HS3ST2: variants seen among roughly 807,000 people sequenced by gnomAD.
HS3ST2 encodes heparan sulfate-glucosamine 3-sulfotransferase 2.
Under a neutral mutation model 26.3 loss-of-function variants are expected in HS3ST2, and 17 were observed. That is an observed-to-expected ratio of 0.65 (90% CI 0.44 to 0.97). The LOEUF is 0.97. HS3ST2 is among the 50% of genes least tolerant of loss of function. The pLI is 0.00. For missense variants in HS3ST2, 402 were observed against 501.2 expected, an observed-to-expected ratio of 0.80 and a Z score of 1.89; for synonymous variants, 237 against 219.2, an observed-to-expected ratio of 1.08 and a Z score of -0.72.
At chr16:22,887,137 A>G (rs911652000) in intron 1 of HS3ST2, among the ~76,000 whole-genome samples, 1 of 151,930 alleles carries the variant, frequency 6.6e-6, no homozygotes, top group Non-Finnish European at 1.5e-5. Flanking sequence ...GGAACCTCCC[A>G]CTCTATTCCC....
chr16:22,826,324 G>C (rs952383679), intron 1 of HS3ST2, among the ~76,000 whole-genome samples: 1 of 152,010 alleles, frequency 6.6e-6, no homozygotes, highest in Non-Finnish European at 1.5e-5. Context: ...CCTCTACAGG[G>C]ATCATTCTTC....
chr16:22,824,056 CGT>C (rs1901043599), intron 1 of HS3ST2, among the ~76,000 whole-genome samples: 1 of 152,188 alleles, frequency 6.6e-6, no homozygotes. Context: ...TAGATTGTCA[CGT>C]ATCTGTAGAC....
intron 1 of HS3ST2, among the ~76,000 whole-genome samples, chr16:22,840,400 T>G (rs1901335042): frequency 6.6e-6 from 1 of 152,116 alleles, no homozygotes; most frequent in Non-Finnish European, 1.5e-5. Context: ...TTTTTTTTCT[T>G]GAGACAGAGT....
At chr16:22,910,136 G>A (rs1037875277) in intron 1 of HS3ST2, among the ~76,000 whole-genome samples, 3 of 152,090 alleles carry the variant, frequency 2.0e-5, no homozygotes, top group African/African-American at 7.2e-5. Flanking sequence ...GTGATACTTT[G>A]GAGATCACTG....
intron 1 of HS3ST2, among the ~76,000 whole-genome samples, chr16:22,832,149 A>C (rs1901179019): frequency 9.2e-6 from 1 of 108,490 alleles, no homozygotes; most frequent in East Asian, 2.6e-4. Flanking sequence ...TCCCCAGCTG[A>C]TCTTTTTTTT....
intron 1 of HS3ST2, among the ~76,000 whole-genome samples, chr16:22,838,444 G>A (rs1276188477): frequency 2.0e-5 from 3 of 152,112 alleles, no homozygotes; most frequent in Non-Finnish European, 2.9e-5. Flanking sequence ...TCCAGCAGCC[G>A]CAGAATGAGT....
At chr16:22,894,081 A>C (rs1296708444) in intron 1 of HS3ST2, among the ~76,000 whole-genome samples, 3 of 152,158 alleles carry the variant, frequency 2.0e-5, no homozygotes, top group African/African-American at 7.2e-5. Flanking sequence ...TTGGCCTCCC[A>C]GAGTGCTGGG....
At chr16:22,888,393 CT>C (rs752179930) in intron 1 of HS3ST2, among the ~76,000 whole-genome samples, 27 of 91,390 alleles carry the variant, frequency 3.0e-4, no homozygotes, top group African/African-American at 9.6e-4. Context: ...TTTTTTTTTT[CT>C]TTTTTTTTTT....
intron 1 of HS3ST2, among the ~76,000 whole-genome samples, chr16:22,863,340 C>G (rs150058038): frequency 3.3e-5 from 5 of 152,242 alleles, no homozygotes; most frequent in Admixed American, 2.6e-4. Flanking sequence ...TCCTCTGATT[C>G]AATGCCCCTC....
intron 1 of HS3ST2, among the ~76,000 whole-genome samples, chr16:22,908,300 C>T (rs1490840212): frequency 1.3e-5 from 2 of 152,142 alleles, no homozygotes; most frequent in African/African-American, 4.8e-5. Flanking sequence ...AAAGATCTTA[C>T]TTGTGCCATG....
chr16:22,876,975 G>T (rs1353343865), intron 1 of HS3ST2, among the ~76,000 whole-genome samples: 1 of 152,156 alleles, frequency 6.6e-6, no homozygotes, highest in Non-Finnish European at 1.5e-5. Flanking sequence ...TGGGAACTTG[G>T]GGGGAAGGAT....
intron 1 of HS3ST2, among the ~76,000 whole-genome samples, chr16:22,826,350 G>A (rs1469441532): frequency 1.3e-5 from 2 of 152,066 alleles, no homozygotes; most frequent in African/African-American, 4.8e-5. Flanking sequence ...GAGCATCTCA[G>A]GTCTGGCTAC....
chr16:22,871,041 C>T (rs964562686), intron 1 of HS3ST2, among the ~76,000 whole-genome samples: 4 of 152,114 alleles, frequency 2.6e-5, no homozygotes, highest in African/African-American at 9.7e-5. Context: ...GTCACATGAG[C>T]TATTCAACAC....
chr16:22,858,752 A>G (rs1033335055), intron 1 of HS3ST2, among the ~76,000 whole-genome samples: 1 of 152,108 alleles, frequency 6.6e-6, no homozygotes, highest in African/African-American at 2.4e-5. Context: ...TAAAATGAGG[A>G]AAATGGTTCC....
chr16:22,849,982 G>A (rs577785437), intron 1 of HS3ST2, among the ~76,000 whole-genome samples: 4 of 152,222 alleles, frequency 2.6e-5, no homozygotes, highest in South Asian at 2.1e-4. Context: ...GGTCCTCCCC[G>A]CTCCTGGGGC....
chr16:22,911,384 G>A (rs1474875553), intron 1 of HS3ST2, among the ~76,000 whole-genome samples: 1 of 152,208 alleles, frequency 6.6e-6, no homozygotes, highest in Non-Finnish European at 1.5e-5. Context: ...GGTATAAGAA[G>A]TTTGAGACTG....
At chr16:22,893,191 G>A (rs568031219) in intron 1 of HS3ST2, among the ~76,000 whole-genome samples, 2 of 152,130 alleles carry the variant, frequency 1.3e-5, no homozygotes, top group South Asian at 4.2e-4. Context: ...GTCTTTGGGC[G>A]GGTTACTTCT....
intron 1 of HS3ST2, among the ~76,000 whole-genome samples, chr16:22,824,585 A>G (rs1034783640): frequency 5.9e-5 from 9 of 152,084 alleles, no homozygotes; most frequent in Middle Eastern, 3.2e-3. Flanking sequence ...CAAACAAACC[A>G]TGAAGCTTAT....
At chr16:22,892,110 T>TAAA (rs55853160) in intron 1 of HS3ST2, among the ~76,000 whole-genome samples, 66 of 113,642 alleles carry the variant, frequency 5.8e-4, no homozygotes, top group African/African-American at 2.1e-3. Context: ...CCATCTCTAC[T>TAAA]AAAAAAAAAA....
Sources: gnomAD v4.1 joint callset for allele counts (sites outside exome capture counted in the v4.1 genomes callset) on GRCh38, gnomAD v4.1.1 for gene constraint, MANE v1.5 for transcripts, NCBI Gene and HGNC (gene_info 2026-07-23, HGNC 2026-07-21) for gene names.